Variants in DHH observed in about 807,000 individuals in gnomAD.
DHH encodes desert hedgehog protein.
In DHH, 16 loss-of-function variants were observed where a neutral mutation model predicts 27.6. The ratio of observed to expected loss-of-function variants is 0.58; its 90% CI spans 0.39 to 0.88. The LOEUF is 0.88. Ranked by LOEUF, DHH falls within the 40% of genes least tolerant of loss-of-function variation. The probability of loss-of-function intolerance (pLI) is 0.00; values close to 1 mark genes in which losing one functional copy is unlikely to be tolerated. For missense variants in DHH, 436 were observed against 563.1 expected, an observed-to-expected ratio of 0.77 and a Z score of 2.28; for synonymous variants, 289 against 263.4, an observed-to-expected ratio of 1.10 and a Z score of -0.94.
In DHH at chr12:49,094,438, C is replaced by G; in HGVS notation, c.75G>C (p.Pro25=). Residue 25 remains proline, a synonymous_variant, in exon 1 of 3, where the codon CCG becomes CCC. Transcript: ENST00000649637. ...GGCGCCGGCCAACCGGCCCCCGGCC[C>G]GGCCCGCAGCTCTGGGCTGGCAGCG... is the stretch of plus-strand genomic sequence containing the variant. ...LLALPAQSCG[P]GRGPVGRRRY... The G allele has an allele frequency of 1.2e-6, 2 of 1,602,624 alleles. No individual in the cohort carries two copies. The highest frequency in any genetic ancestry group is 1.7e-6 in the Non-Finnish European group (2 of 1,175,092).
At position 49,087,087 on chromosome 12, in the gene DHH, T is replaced by G. The variant is rs147673454; in HGVS notation, c.*2772A>C. Among the ~76,000 whole-genome samples, 15 of 152,276 alleles carry G rather than the reference T, an allele frequency of 9.9e-5. No homozygotes were observed. The highest frequency in any genetic ancestry group is 3.6e-4 in the African/African-American group (15 of 41,564). On this transcript the variant is annotated 3_prime_UTR_variant, in exon 3 of 3. Transcript: ENST00000649637. ...AGCCAAATCATCATCGCCTATTTTG[T>G]TGATGGTGAAAGGTGCTGCAATTGG...
Position 49,094,252 on chromosome 12 carries a change from G to T in DHH, c.261C>A (p.Phe87Leu). The T allele has an allele frequency of 6.2e-7, 1 of 1,613,626 alleles. No individual in the cohort carries two copies. Among genetic ancestry groups the T allele is most frequent in the Non-Finnish European group, 8.5e-7 (1 of 1,180,024 alleles). Residue 87 changes from phenylalanine (F) to leucine (L), a missense_variant, in exon 1 of 3, where the codon TTC (phenylalanine) becomes TTA (leucine). By Grantham distance (22) the Phe-to-Leu change is conservative (BLOSUM62 0). Coordinates refer to ENST00000649637, the MANE Select transcript of DHH (RefSeq NM_021044.4). ...CGGCTCCACTGTTCTCCTCATCCTTGAAGATGATGTCGGGGTTGTAGTTGG... is the reference window on the plus strand; with the variant it reads ...CGGCTCCACTGTTCTCCTCATCCTTTAAGATGATGTCGGGGTTGTAGTTGG... ...LVPNYNPDII[F>L]KDEENSGADR... is the part of the protein sequence containing the mutation.
At position 49,090,949 on chromosome 12, in the gene DHH, T is replaced by A. The variant is rs947031697; in HGVS notation, c.565+179A>T. 3.3e-5 allele frequency among the ~76,000 whole-genome samples: 5 copies of A among 152,242 alleles called. No homozygotes were observed. The highest frequency in any genetic ancestry group is 3.3e-4 in the Admixed American group (5 of 15,290). The stretch of plus-strand genomic sequence containing the variant: ...ACTCCTGACCTCAAGTGATCCGCCC[T>A]CCTTGGCCTCCCAAAGTGCTGGGAT... On this transcript the variant is annotated intron_variant, in intron 2 of 2. Coordinates refer to ENST00000649637, the MANE Select transcript of DHH (RefSeq NM_021044.4). The surrounding 1 kb of genome is among the most constrained non-coding windows in gnomAD (Gnocchi z 5.2).
rs1054038359 is a variant in DHH, at chr12:49,086,809, T to C, written c.*3050A>G. Among the ~76,000 whole-genome samples the C allele has an allele frequency of 2.6e-5, 4 of 152,198 alleles. No individual in the cohort carries two copies. The highest frequency in any genetic ancestry group is 9.7e-5 in the African/African-American group (4 of 41,444). ...GAGTCAACTTCTATATGTAAGGAAG[T>C]CTGGACTACTACAGAAATGCTGCTA... On this transcript the variant is annotated 3_prime_UTR_variant, in exon 3 of 3. Transcript: ENST00000649637.
Position 49,088,097 on chromosome 12 carries a change from G to A in DHH, c.*1762C>T, listed in dbSNP as rs1939236117. The stretch of plus-strand genomic sequence containing the variant: ...CAAGGGTCATGAGGGTGAGGGACAT[G>A]AGGCGGCAACTTTGATACATAAGGA... On this transcript the variant is annotated 3_prime_UTR_variant, in exon 3 of 3. Transcript: ENST00000649637. Among the ~76,000 whole-genome samples, 1 of 152,160 alleles carries A rather than the reference G, an allele frequency of 6.6e-6. No homozygotes were observed. Among genetic ancestry groups the A allele is most frequent in the Admixed American group, 6.5e-5 (1 of 15,270 alleles).
chr12:49,094,673 C>A lies in DHH; in HGVS notation c.-161G>T. Reference sequence around the variant, plus strand: ...GTGCACCTGGCTGCTGCTAGCTCTGCCCACGTGCCCCGGGAGCGGGCGGGG... The same window carrying A: ...GTGCACCTGGCTGCTGCTAGCTCTGACCACGTGCCCCGGGAGCGGGCGGGG... On this transcript the variant is annotated 5_prime_UTR_variant, in exon 1 of 3. Transcript: ENST00000649637. 3.5e-6 allele frequency: 3 copies of A among 857,792 alleles called. No homozygotes were observed. Among genetic ancestry groups the A allele is most frequent in the Non-Finnish European group, 5.6e-6 (3 of 534,382 alleles). The allele number at this position is 857,792 out of a possible 1,614,324, so 53.1% of individuals were successfully genotyped here. A position where few individuals can be genotyped will look rare whatever the true frequency, so the allele number is the denominator to read the frequency against.
rs754182591 is a variant in DHH at position 49,094,296 on chromosome 12, G to C, written c.217C>G (p.Arg73Gly). 41 of 1,613,246 alleles carry C rather than the reference G, an allele frequency of 2.5e-5. No homozygotes were observed. The highest frequency in any genetic ancestry group is 4.5e-5 in the East Asian group (2 of 44,888). ...AEGRVARGSE[R>G]FRDLVPNYNP... ...TAGTTGGGCACGAGGTCCCGGAAGC[G>C]CTCGGAGCCCCTTGCCACCCTCCCC... Residue 73 changes from arginine to glycine, a missense_variant, in exon 1 of 3, where the codon CGC becomes GGC. Transcript: ENST00000649637.
intron 1 of DHH, chr12:49,093,032 C>T (rs1592186927): frequency 6.6e-6 from 1 of 152,262 alleles, no homozygotes; most frequent in Non-Finnish European, 1.5e-5. Flanking sequence ...CCTCTCCCCC[C>T]ACCTCCCCAC....
At position 49,090,614 on chromosome 12, in the gene DHH, C is replaced by A; in HGVS notation, c.566-130G>T. 1.6e-6 allele frequency: 2 copies of A among 1,273,828 alleles called. No homozygotes were observed. Among genetic ancestry groups the A allele is most frequent in the Non-Finnish European group, 2.2e-6 (2 of 927,638 alleles). 78.9% of individuals were successfully genotyped at this position (1,273,828 alleles called of 1,614,324 possible). On this transcript the variant is annotated intron_variant, in intron 2 of 2. Coordinates refer to ENST00000649637, the MANE Select transcript of DHH (RefSeq NM_021044.4). This position sits in a 1 kb window ranked among gnomAD's most constrained non-coding sequence, Gnocchi z 5.2. Reference sequence around the variant, plus strand: ...TTAATCTGACTGGCCCCAACCTGGGCAGAAAAGGAAGGGCGGTTTTTCTTT... The same window carrying A: ...TTAATCTGACTGGCCCCAACCTGGGAAGAAAAGGAAGGGCGGTTTTTCTTT...
rs192021964 is a variant in DHH at position 49,091,660 on chromosome 12, C to A, written c.304-271G>T. ...CCATTTTTAATGCCCGTCCCTCACC[C>A]CTATTGGTTCAGGGACAGCGGCTCA... On this transcript the variant is annotated intron_variant, in intron 1 of 2. Coordinates refer to ENST00000649637, the MANE Select transcript of DHH (RefSeq NM_021044.4). This position sits in a 1 kb window ranked among gnomAD's most constrained non-coding sequence, Gnocchi z 4.8. Among the ~76,000 whole-genome samples, 1 of 152,254 alleles carries A rather than the reference C, an allele frequency of 6.6e-6. No homozygotes were observed. Among genetic ancestry groups the A allele is most frequent in the Non-Finnish European group, 1.5e-5 (1 of 68,018 alleles).
Position 49,088,640 on chromosome 12 carries a change from T to A in DHH, c.*1219A>T, listed in dbSNP as rs1939245076. ...GGCACCTGCCTGCCTGGATTCCAGG[T>A]GTCTACTGCGTTGGAACCTAAAGGT... On this transcript the variant is annotated 3_prime_UTR_variant, in exon 3 of 3. Coordinates refer to ENST00000649637, the MANE Select transcript of DHH (RefSeq NM_021044.4). Among the ~76,000 whole-genome samples, 1 of 152,212 alleles carries A rather than the reference T, an allele frequency of 6.6e-6. No individual in the cohort carries two copies. The highest frequency in any genetic ancestry group is 2.4e-5 in the African/African-American group (1 of 41,538).
In DHH at chr12:49,094,744, G is replaced by T; in HGVS notation, c.-232C>A. 1.6e-6 allele frequency: 1 copy of T among 612,196 alleles called. No homozygotes were observed. The highest frequency in any genetic ancestry group is 2.7e-5 in the Admixed American group (1 of 36,476). The allele number at this position is 612,196 out of a possible 1,614,324, so 37.9% of individuals were successfully genotyped here. A position where few individuals can be genotyped will look rare whatever the true frequency, so the allele number is the denominator to read the frequency against. ...GACAAACCATCATAGCAGGGAAGGG[G>T]GGTCGTGGGTGAGTGCCAGCCCAGC... On this transcript the variant is annotated 5_prime_UTR_variant, in exon 1 of 3. Coordinates refer to ENST00000649637, the MANE Select transcript of DHH (RefSeq NM_021044.4).
rs1939292579 is a variant in DHH at position 49,091,007 on chromosome 12, G to C, written c.565+121C>G. On this transcript the variant is annotated intron_variant, in intron 2 of 2. Coordinates refer to ENST00000649637, the MANE Select transcript of DHH (RefSeq NM_021044.4). This position sits in a 1 kb window ranked among gnomAD's most constrained non-coding sequence, Gnocchi z 4.8. The stretch of plus-strand genomic sequence containing the variant: ...GTGAGGCACCGCCTCGGCCTGGACG[G>C]GTGGTTTTCAACACTAAAGCCCGCT... The C allele has an allele frequency of 2.7e-6, 4 of 1,474,274 alleles. No individual in the cohort carries two copies. In the South Asian group the frequency reaches 4.6e-5, roughly 17 times the overall value. 91.3% of individuals were successfully genotyped at this position (1,474,274 alleles called of 1,614,324 possible).
rs965279038 is a variant in DHH, at chr12:49,091,457, G to C, written c.304-68C>G. On this transcript the variant is annotated intron_variant, in intron 1 of 2. Transcript: ENST00000649637. The surrounding 1 kb of genome is among the most constrained non-coding windows in gnomAD (Gnocchi z 4.8). ...GGGGCAAAAGGGACCTGGATAGGAG[G>C]GTTGATTCTTTGTTATTCCGGCCCT... 1 of 1,593,484 alleles carries C rather than the reference G, an allele frequency of 6.3e-7. No individual in the cohort carries two copies. Among genetic ancestry groups the C allele is most frequent in the South Asian group, 1.1e-5 (1 of 89,356 alleles).
chr12:49,088,903 TG>T lies in DHH; in HGVS notation c.*955del, dbSNP rs1174546123. On this transcript the variant is annotated 3_prime_UTR_variant, in exon 3 of 3. Transcript: ENST00000649637. ...AAGGAAATATTCCAGCCTCTTACTG[TG>T]CCCCCCTTCCTTTTTCAGGCCATGA... 6.6e-6 allele frequency among the ~76,000 whole-genome samples: 1 copy of T among 152,230 alleles called. No individual in the cohort carries two copies.
Position 49,091,228 on chromosome 12 carries a change from G to T in DHH, c.465C>A (p.Asp155Glu), listed in dbSNP as rs959890493. Residue 155 changes from aspartate (D) to glutamate (E), a missense_variant, in exon 2 of 3, where the codon GAC becomes GAA. Physicochemically the swap from Asp to Glu is conservative, Grantham distance 45 (BLOSUM62 2). Coordinates refer to ENST00000649637, the MANE Select transcript of DHH (RefSeq NM_021044.4). The surrounding 1 kb of genome is among the most constrained non-coding windows in gnomAD (Gnocchi z 4.8). ...GCGCCAGCAACCCATACTTGTTGCG[G>T]TCGCGGTCAGACGTAGTGATGTCCA... ...RALDITTSDR[D>E]RNKYGLLARL... The T allele has an allele frequency of 6.2e-7, 1 of 1,614,252 alleles. No individual in the cohort carries two copies.
At position 49,091,540 on chromosome 12, in the gene DHH, T is replaced by A; in HGVS notation, c.304-151A>T. The A allele has an allele frequency of 8.3e-7, 1 of 1,206,300 alleles. No homozygotes were observed. The highest frequency in any genetic ancestry group is 1.4e-5 in the South Asian group (1 of 73,164). 74.7% of individuals were successfully genotyped at this position (1,206,300 alleles called of 1,614,324 possible). On this transcript the variant is annotated intron_variant, in intron 1 of 2. Coordinates refer to ENST00000649637, the MANE Select transcript of DHH (RefSeq NM_021044.4). The surrounding 1 kb of genome is among the most constrained non-coding windows in gnomAD (Gnocchi z 4.8). ...GAGAAATGAGAATCTGAGTCGATGGTAGTCACCAATCTGCACTCTGTTCCC... is the reference window on the plus strand; with the variant it reads ...GAGAAATGAGAATCTGAGTCGATGGAAGTCACCAATCTGCACTCTGTTCCC...
rs546961297 is a variant in DHH, at chr12:49,089,211, C to T, written c.*648G>A. The stretch of plus-strand genomic sequence containing the variant: ...GCCGCAGGAGCGAAATGCTGGTCCT[C>T]TCTGGATGGGAGACGGAAACAGCAG... On this transcript the variant is annotated 3_prime_UTR_variant, in exon 3 of 3. Coordinates refer to ENST00000649637, the MANE Select transcript of DHH (RefSeq NM_021044.4). Among the ~76,000 whole-genome samples the T allele has an allele frequency of 1.3e-5, 2 of 152,380 alleles. No homozygotes were observed. The highest frequency in any genetic ancestry group is 2.1e-4 in the South Asian group (1 of 4,828).
At chr12:49,094,063 AT>A (rs1191361967) in intron 1 of DHH, 146 bp downstream of exon 1, 169 of 908,360 alleles carry the variant, frequency 1.9e-4, no homozygotes, top group African/African-American at 1.8e-3. Flanking sequence ...GACTGCAAGG[AT>A]TTTTCCCCCC....
Sources: gnomAD v4.1 joint callset for allele counts (sites outside exome capture counted in the v4.1 genomes callset) on GRCh38, gnomAD v4.1.1 for gene constraint, Gnocchi (gnomAD v3.1) non-coding constraint, MANE v1.5 for transcripts, NCBI Gene and HGNC (gene_info 2026-07-23, HGNC 2026-07-21) for gene names.